The following UBTD1 variants were observed in gnomAD, a reference collection of about 807,000 sequenced individuals.
UBTD1 encodes ubiquitin domain containing 1.
UBTD1 carries 19 observed loss-of-function variants against 21.7 expected under a neutral mutation model. The observed-to-expected ratio is 0.87, with a 90% CI of 0.61 to 1.28. The LOEUF is 1.28. Among genes scored for constraint, UBTD1 ranks in the 50% most tolerant of loss-of-function variants. The probability of loss-of-function intolerance (pLI) is 0.00; values close to 1 mark genes in which losing one functional copy is unlikely to be tolerated. For synonymous variants in UBTD1, 116 were observed against 135.1 expected (o/e 0.86, Z 0.98); for missense variants, 282 against 315.1 (o/e 0.89, Z 0.80).
chr10:97,553,042 C>T (rs1027974883), intron 1 of UBTD1, among the ~76,000 whole-genome samples: 6 of 152,270 alleles, frequency 3.9e-5, no homozygotes, highest in African/African-American at 1.4e-4. Flanking sequence ...CTCAGTACCT[C>T]GCAGAGGCGT....
chr10:97,534,990 C>A (rs1341637304), intron 1 of UBTD1, among the ~76,000 whole-genome samples: 1 of 152,222 alleles, frequency 6.6e-6, no homozygotes, highest in Non-Finnish European at 1.5e-5. Flanking sequence ...TCCCTGCCAC[C>A]CCCTTGAGGC....
At chr10:97,502,791 G>A (rs963494508) in intron 1 of UBTD1, among the ~76,000 whole-genome samples, 1 of 150,764 alleles carries the variant, frequency 6.6e-6, no homozygotes, top group East Asian at 1.9e-4. Flanking sequence ...AGGTCCTCTC[G>A]TCTCATCAAG....
chr10:97,552,506 C>T (rs1376039097), intron 1 of UBTD1, among the ~76,000 whole-genome samples: 1 of 148,432 alleles, frequency 6.7e-6, no homozygotes, highest in Non-Finnish European at 1.5e-5. Flanking sequence ...AGCAATTCTC[C>T]TGCCTCAAGC....
chr10:97,547,503 A>C (rs1255123987), intron 1 of UBTD1, among the ~76,000 whole-genome samples: 1 of 151,580 alleles, frequency 6.6e-6, no homozygotes, highest in Non-Finnish European at 1.5e-5. Flanking sequence ...ACCTCATTTA[A>C]CCCCTGCGTT....
intron 1 of UBTD1, among the ~76,000 whole-genome samples, chr10:97,553,351 G>A (rs117588431): frequency 0.038 from 5,718 of 152,152 alleles, 160 homozygotes; most frequent in Non-Finnish European, 0.059. Context: ...AGGCTTTCTC[G>A]AACTCCTGAC....
At chr10:97,529,246 G>A (rs2040513343) in intron 1 of UBTD1, among the ~76,000 whole-genome samples, 1 of 151,060 alleles carries the variant, frequency 6.6e-6, no homozygotes, top group Admixed American at 6.6e-5. Flanking sequence ...TAGGTGGGAT[G>A]GCGGCCGGGC....
At chr10:97,515,211 G>GC (rs2040439114) in intron 1 of UBTD1, among the ~76,000 whole-genome samples, 1 of 152,298 alleles carries the variant, frequency 6.6e-6, no homozygotes, top group Non-Finnish European at 1.5e-5. Context: ...GCACTGAGTT[G>GC]CCCCAAAGAA....
At chr10:97,505,218 G>T (rs1269637976) in intron 1 of UBTD1, among the ~76,000 whole-genome samples, 2 of 152,152 alleles carry the variant, frequency 1.3e-5, no homozygotes, top group Non-Finnish European at 2.9e-5. Context: ...GGAACCTAAA[G>T]ATTTCTATAA....
At chr10:97,523,750 G>T (rs774059961) in intron 1 of UBTD1, among the ~76,000 whole-genome samples, 5 of 152,018 alleles carry the variant, frequency 3.3e-5, no homozygotes, top group South Asian at 2.1e-4. Context: ...GTGTAACTTG[G>T]TGGACATCAG....
chr10:97,532,100 GT>G (rs1339512909), intron 1 of UBTD1, among the ~76,000 whole-genome samples: 1 of 152,192 alleles, frequency 6.6e-6, no homozygotes, highest in Non-Finnish European at 1.5e-5. Flanking sequence ...GGTTAGAAAG[GT>G]GAGAGAGTCA....
At chr10:97,562,651 G>C (rs567662053) in intron 1 of UBTD1, among the ~76,000 whole-genome samples, 2 of 151,808 alleles carry the variant, frequency 1.3e-5, no homozygotes, top group Non-Finnish European at 2.9e-5. Context: ...TTGCAAGGGC[G>C]GGGAGGCTGT....
intron 1 of UBTD1, among the ~76,000 whole-genome samples, chr10:97,504,388 C>T (rs903937603): frequency 8.5e-5 from 13 of 152,192 alleles, no homozygotes; most frequent in African/African-American, 2.7e-4. Context: ...ATGATTTTCA[C>T]CTGCTCACCT....
intron 1 of UBTD1, among the ~76,000 whole-genome samples, chr10:97,552,175 G>A (rs919551489): frequency 1.3e-5 from 2 of 151,456 alleles, no homozygotes; most frequent in African/African-American, 4.9e-5. Context: ...GACCAGCCTG[G>A]GCAACATGGC....
intron 1 of UBTD1, among the ~76,000 whole-genome samples, chr10:97,533,084 G>A (rs1239973315): frequency 2.0e-5 from 3 of 152,192 alleles, no homozygotes; most frequent in Non-Finnish European, 4.4e-5. Context: ...TCACCACGGC[G>A]ACAAGATGCT....
At chr10:97,560,338 A>G (rs1049857501) in intron 1 of UBTD1, among the ~76,000 whole-genome samples, 2 of 152,212 alleles carry the variant, frequency 1.3e-5, no homozygotes, top group Non-Finnish European at 2.9e-5. Context: ...ACTTTTAGCA[A>G]ACTTCAGTTT....
intron 1 of UBTD1, among the ~76,000 whole-genome samples, chr10:97,551,171 C>T (rs911218670): frequency 1.3e-5 from 2 of 152,142 alleles, no homozygotes; most frequent in African/African-American, 2.4e-5. Flanking sequence ...GATCCTAATA[C>T]GGGAGGTTTC....
At position 97,570,140 on chromosome 10, in the gene UBTD1, AC is replaced by A. The variant is rs2040738114; in HGVS notation, c.304del (p.Leu102SerfsTer23). 1.9e-6 allele frequency: 3 copies of A among 1,600,692 alleles called. No homozygotes were observed. The highest frequency in any genetic ancestry group is 8.5e-7 in the Non-Finnish European group (1 of 1,170,552). Reference sequence around the variant, plus strand: ...TGACAGCCCTGCCTCTCCTACAGGCACCCTCTGTGAATGCTACGATGAGCTG... The same window carrying A: ...TGACAGCCCTGCCTCTCCTACAGGCACCTCTGTGAATGCTACGATGAGCTG... ...DGASITLPHG[T>X]LCECYDELGN... On this transcript the variant is annotated frameshift_variant, in exon 3 of 3. Coordinates refer to ENST00000370664, the MANE Select transcript of UBTD1 (RefSeq NM_024954.5). LOFTEE classifies it high-confidence loss of function. This position sits in a 1 kb window ranked among gnomAD's most constrained non-coding sequence, Gnocchi z 6.6.
intron 1 of UBTD1, among the ~76,000 whole-genome samples, chr10:97,564,342 C>T (rs776461616): frequency 4.6e-5 from 7 of 152,176 alleles, no homozygotes; most frequent in Admixed American, 2.0e-4. Flanking sequence ...TGACATATTT[C>T]GAAATGGCCC....
chr10:97,526,433 T>C (rs1052728414), intron 1 of UBTD1, among the ~76,000 whole-genome samples: 3 of 152,130 alleles, frequency 2.0e-5, no homozygotes, highest in Non-Finnish European at 4.4e-5. Context: ...CTCAAATCCA[T>C]CCTCTCATCT....
Sources: gnomAD v4.1 joint callset for allele counts (sites outside exome capture counted in the v4.1 genomes callset) on GRCh38, gnomAD v4.1.1 for gene constraint, Gnocchi (gnomAD v3.1) non-coding constraint, MANE v1.5 for transcripts, NCBI Gene and HGNC (gene_info 2026-07-23, HGNC 2026-07-21) for gene names.